Variants in PELI2 observed in about 807,000 individuals in gnomAD.
PELI2 encodes the protein pellino E3 ubiquitin protein ligase family member 2, also known as E3 ubiquitin-protein ligase pellino homolog 2.
Under a neutral mutation model 42.3 loss-of-function variants are expected in PELI2, and 23 were observed. The ratio of observed to expected loss-of-function variants is 0.54; its 90% CI spans 0.39 to 0.77. PELI2 has a LOEUF of 0.77. Ranked by LOEUF, PELI2 falls within the 30% of genes least tolerant of loss-of-function variation. The pLI, the probability that PELI2 is intolerant of heterozygous loss-of-function variation, is 0.00. For synonymous variants in PELI2, 245 were observed against 212.2 expected (o/e 1.15, Z -1.34); for missense variants, 463 against 553.2 (o/e 0.84, Z 1.64).
rs552557094 is a variant in PELI2 at position 56,243,412 on chromosome 14, G to T, written c.208-36264G>T. 3.3e-5 allele frequency among the ~76,000 whole-genome samples: 5 copies of T among 152,242 alleles called. No homozygotes were observed. The South Asian group carries it at 1.0e-3, about 32-fold the overall frequency. On this transcript the variant is annotated intron_variant, in intron 2 of 5. Coordinates refer to ENST00000267460, the MANE Select transcript of PELI2 (RefSeq NM_021255.3). ...TGCAGGCTTTCTCCTTGTTTGAGAGGGTTTAGAGCATGAGAAGCGCCTGGC... is the reference window on the plus strand; with the variant it reads ...TGCAGGCTTTCTCCTTGTTTGAGAGTGTTTAGAGCATGAGAAGCGCCTGGC...
intron 5 of PELI2, among the ~76,000 whole-genome samples, chr14:56,292,419 A>G (rs1181166204): frequency 1.3e-5 from 2 of 152,300 alleles, no homozygotes; most frequent in East Asian, 3.9e-4. Flanking sequence ...TTCTGTTTCA[A>G]TTCATGACTC....
chr14:56,236,113 T>A (rs1887784253), intron 2 of PELI2, among the ~76,000 whole-genome samples: 1 of 152,234 alleles, frequency 6.6e-6, no homozygotes, highest in African/African-American at 2.4e-5. Context: ...TTTTAAAGTT[T>A]AACTCTTGTG....
At chr14:56,159,048 G>T (rs1298982584) in intron 1 of PELI2, among the ~76,000 whole-genome samples, 1 of 152,126 alleles carries the variant, frequency 6.6e-6, no homozygotes, top group Non-Finnish European at 1.5e-5. Flanking sequence ...TATATATTTG[G>T]TATTTTATGT....
At chr14:56,244,651 C>T (rs1197500092) in intron 2 of PELI2, among the ~76,000 whole-genome samples, 1 of 152,160 alleles carries the variant, frequency 6.6e-6, no homozygotes, top group African/African-American at 2.4e-5. Context: ...ATGAAAACTC[C>T]ATCACTGAAT....
rs957712461 is a variant in PELI2, at chr14:56,141,776, G to T, written c.77+23039G>T. 3.3e-5 allele frequency among the ~76,000 whole-genome samples: 5 copies of T among 152,282 alleles called. No individual in the cohort carries two copies. In the East Asian group the frequency reaches 9.7e-4, roughly 29 times the overall value. The stretch of plus-strand genomic sequence containing the variant: ...CCCCAAGATTCAGTTATCTCCACCT[G>T]GTCCAGCCCTTGACACGTGGGGTTT... On this transcript the variant is annotated intron_variant, in intron 1 of 5. Coordinates refer to ENST00000267460, the MANE Select transcript of PELI2 (RefSeq NM_021255.3).
chr14:56,204,408 G>A (rs1490054015), intron 2 of PELI2, among the ~76,000 whole-genome samples: 1 of 152,166 alleles, frequency 6.6e-6, no homozygotes, highest in Non-Finnish European at 1.5e-5. Flanking sequence ...GCCGGAAAAG[G>A]CTGGGGCCAC....
chr14:56,282,425 G>T (rs1220635197), intron 3 of PELI2, among the ~76,000 whole-genome samples: 2 of 151,764 alleles, frequency 1.3e-5, no homozygotes, highest in East Asian at 3.9e-4. Context: ...TGGTAAAATG[G>T]TTTAAATCAT....
At chr14:56,251,831 T>C (rs2139816178) in intron 2 of PELI2, among the ~76,000 whole-genome samples, 1 of 152,358 alleles carries the variant, frequency 6.6e-6, no homozygotes, top group Admixed American at 6.5e-5. Context: ...TTGTTAAAGC[T>C]TCACATCAAG....
At chr14:56,234,853 G>A (rs10133315) in intron 2 of PELI2, among the ~76,000 whole-genome samples, 2,173 of 152,248 alleles carry the variant, frequency 0.014, 23 homozygotes, top group Middle Eastern at 0.058. Flanking sequence ...ATGGAGCATG[G>A]AGTTGGTTCC....
rs2139671505 is a variant in PELI2, at chr14:56,180,820, T to G, written c.207+2356T>G. On this transcript the variant is annotated intron_variant, in intron 2 of 5. Transcript: ENST00000267460. This position sits in a 1 kb window ranked among gnomAD's most constrained non-coding sequence, Gnocchi z 4.4. ...CACTGCTGCTGCTGGGTCTGCTCTG[T>G]TGGCACCTTCTACCTTGGAGCTCCA... Among the ~76,000 whole-genome samples, 1 of 152,302 alleles carries G rather than the reference T, an allele frequency of 6.6e-6. No individual in the cohort carries two copies. The highest frequency in any genetic ancestry group is 1.9e-4 in the East Asian group (1 of 5,176).
intron 2 of PELI2, among the ~76,000 whole-genome samples, chr14:56,195,496 C>A (rs984922167): frequency 3.3e-5 from 5 of 152,186 alleles, no homozygotes; most frequent in African/African-American, 1.2e-4. Context: ...CGAGGCAGTT[C>A]TGAAGCTAGT....
chr14:56,149,876 A>G (rs1196017246), intron 1 of PELI2, among the ~76,000 whole-genome samples: 1 of 152,158 alleles, frequency 6.6e-6, no homozygotes, highest in Non-Finnish European at 1.5e-5. Context: ...CCTCCCATGT[A>G]TATAGAACAT....
At chr14:56,258,377 A>T (rs1888595371) in intron 2 of PELI2, among the ~76,000 whole-genome samples, 1 of 152,136 alleles carries the variant, frequency 6.6e-6, no homozygotes, top group Non-Finnish European at 1.5e-5. Context: ...TAAGACCTAT[A>T]CCCAGGAGGA....
At chr14:56,279,124 C>G (rs939637489) in intron 2 of PELI2, among the ~76,000 whole-genome samples, 3 of 152,066 alleles carry the variant, frequency 2.0e-5, no homozygotes, top group Admixed American at 2.0e-4. Flanking sequence ...TAACTAGTTG[C>G]TTATACAAGA....
At chr14:56,220,251 G>C (rs1392616043) in intron 2 of PELI2, among the ~76,000 whole-genome samples, 1 of 152,182 alleles carries the variant, frequency 6.6e-6, no homozygotes, top group South Asian at 2.1e-4. Context: ...TTAACTCTCT[G>C]TAGCTTCCAA....
At chr14:56,195,908 G>A (rs574045923) in intron 2 of PELI2, among the ~76,000 whole-genome samples, 114 of 152,316 alleles carry the variant, frequency 7.5e-4, no homozygotes, top group Non-Finnish European at 1.2e-3. Flanking sequence ...ACAGTGCTCC[G>A]GACAGGAGAG....
At chr14:56,200,128 A>G (rs192396970) in intron 2 of PELI2, among the ~76,000 whole-genome samples, 1 of 152,246 alleles carries the variant, frequency 6.6e-6, no homozygotes, top group East Asian at 1.9e-4. Context: ...AATCTGTGTC[A>G]TAATTCATTT....
chr14:56,206,903 A>T (rs1201569616), intron 2 of PELI2, among the ~76,000 whole-genome samples: 7 of 152,220 alleles, frequency 4.6e-5, no homozygotes, highest in Non-Finnish European at 7.3e-5. Flanking sequence ...GCTGCATGTT[A>T]TGTGAGAATG....
intron 2 of PELI2, among the ~76,000 whole-genome samples, chr14:56,185,749 A>G (rs1476224095): frequency 1.3e-5 from 2 of 151,898 alleles, no homozygotes; most frequent in Non-Finnish European, 2.9e-5. Context: ...TAGCATATGT[A>G]GTTTCATCTT....
Sources: gnomAD v4.1 joint callset for allele counts (sites outside exome capture counted in the v4.1 genomes callset) on GRCh38, gnomAD v4.1.1 for gene constraint, Gnocchi (gnomAD v3.1) non-coding constraint, MANE v1.5 for transcripts, NCBI Gene and HGNC (gene_info 2026-07-23, HGNC 2026-07-21) for gene names.